The following CSMD3 variants were observed in gnomAD, a reference collection of about 807,000 sequenced individuals.
The protein encoded by CSMD3 is CUB and sushi domain-containing protein 3.
Under a neutral mutation model 435.2 loss-of-function variants are expected in CSMD3, and 177 were observed. The ratio of observed to expected loss-of-function variants is 0.41; its 90% CI spans 0.36 to 0.46. The LOEUF (loss-of-function observed/expected upper bound fraction) is 0.46. Among genes scored for constraint, CSMD3 ranks in the 20% least tolerant of loss-of-function variants. The probability of loss-of-function intolerance (pLI) is 0.34; values close to 1 mark genes in which losing one functional copy is unlikely to be tolerated. For missense variants in CSMD3, 4,265 were observed against 4,504.6 expected (o/e 0.95, Z 1.52); for synonymous variants, 1,656 against 1,520.5 (o/e 1.09, Z -2.07).
At chr8:112,948,947 C>A (rs976775353) in intron 8 of CSMD3, among the ~76,000 whole-genome samples, 15 of 152,056 alleles carry the variant, frequency 9.9e-5, no homozygotes, top group Middle Eastern at 6.8e-3. Context: ...TCTTGCTTTG[C>A]CATCCATGCT....
At chr8:112,440,884 T>G (rs956877452) in intron 32 of CSMD3, among the ~76,000 whole-genome samples, 1 of 152,160 alleles carries the variant, frequency 6.6e-6, no homozygotes, top group Non-Finnish European at 1.5e-5. Context: ...GCAACCATTT[T>G]TCCCTCCTAG....
intron 43 of CSMD3, among the ~76,000 whole-genome samples, chr8:112,337,253 C>CT (rs1418569743): frequency 6.6e-6 from 1 of 152,094 alleles, no homozygotes; most frequent in Non-Finnish European, 1.5e-5. Flanking sequence ...GTAAGAATGA[C>CT]TTAAATGCAT....
chr8:112,699,116 C>A (rs549166591), intron 13 of CSMD3, among the ~76,000 whole-genome samples: 3 of 152,088 alleles, frequency 2.0e-5, no homozygotes, highest in Non-Finnish European at 2.9e-5. Flanking sequence ...AGCAGCAACC[C>A]GCTCGCGTCC....
chr8:112,967,493 G>T (rs2090236931), intron 7 of CSMD3, among the ~76,000 whole-genome samples: 1 of 151,526 alleles, frequency 6.6e-6, no homozygotes, highest in South Asian at 2.1e-4. Context: ...TTAACTAGCT[G>T]TTTTTTTTCC....
rs762591659 is a variant in CSMD3 at position 112,318,970 on chromosome 8, A to T, written c.7247-20T>A. ...TATCACCTATTAAACAAAAGAGGGG[A>T]GGTTTCATATAAGCAACAAGGTGAT... On this transcript the variant is annotated intron_variant, in intron 46 of 70. Coordinates refer to ENST00000297405, the MANE Select transcript of CSMD3 (RefSeq NM_198123.2). 7.3e-7 allele frequency: 1 copy of T among 1,373,784 alleles called. No homozygotes were observed. Among genetic ancestry groups the T allele is most frequent in the South Asian group, 1.2e-5 (1 of 86,442 alleles). The allele number at this position is 1,373,784 out of a possible 1,614,324, so 85.1% of individuals were successfully genotyped here.
chr8:112,341,852 A>G (rs1187029168), intron 41 of CSMD3, among the ~76,000 whole-genome samples, 166 bp from the exon 42 acceptor site: 1 of 152,240 alleles, frequency 6.6e-6, no homozygotes, highest in East Asian at 1.9e-4. Flanking sequence ...AGGACAGGTA[A>G]CTTTGCTGAG....
At chr8:113,308,751 T>C (rs981538188) in intron 2 of CSMD3, among the ~76,000 whole-genome samples, 1 of 152,328 alleles carries the variant, frequency 6.6e-6, no homozygotes, top group Non-Finnish European at 1.5e-5. Flanking sequence ...GAAGTTATAA[T>C]TATTGTTTTC....
In CSMD3 at chr8:112,447,206, C is replaced by T. The variant is rs972440064; in HGVS notation, c.5395+25385G>A. ...TAAATATTCAAACTAAGTGATATGT[C>T]AGGTATTTTTCTGCTTTATTATTTT... On this transcript the variant is annotated intron_variant, in intron 32 of 70. Coordinates refer to ENST00000297405, the MANE Select transcript of CSMD3 (RefSeq NM_198123.2). 2.0e-5 allele frequency among the ~76,000 whole-genome samples: 3 copies of T among 151,848 alleles called. 1 individual carries two copies. The highest frequency in any genetic ancestry group is 4.4e-5 in the Non-Finnish European group (3 of 67,954).
intron 5 of CSMD3, chr8:113,098,407 G>T (rs1057302078): frequency 8.6e-6 from 2 of 231,934 alleles, no homozygotes; most frequent in Admixed American, 1.0e-4. Flanking sequence ...TTTGCTTTCA[G>T]ATAACAAGGT....
At chr8:113,174,048 C>T (rs912958417) in intron 3 of CSMD3, 132 bp from the exon 4 acceptor site, 2 of 707,172 alleles carry the variant, frequency 2.8e-6, no homozygotes, top group African/African-American at 1.8e-5. Flanking sequence ...AAGGAACTGT[C>T]TTCTATTCCA....
At position 112,597,387 on chromosome 8, in the gene CSMD3, C is replaced by T. The variant is rs1831834774; in HGVS notation, c.3716-10152G>A. Reference sequence around the variant, plus strand: ...GTGGCAATAATCAATAGTTTACCAACCAAAAAGAGTCCAGGACCAGATGGA... The same window carrying T: ...GTGGCAATAATCAATAGTTTACCAATCAAAAAGAGTCCAGGACCAGATGGA... On this transcript the variant is annotated intron_variant, in intron 22 of 70. Coordinates refer to ENST00000297405, the MANE Select transcript of CSMD3 (RefSeq NM_198123.2). Among the ~76,000 whole-genome samples, 3 of 147,738 alleles carry T rather than the reference C, an allele frequency of 2.0e-5. No individual in the cohort carries two copies. In the South Asian group the frequency reaches 6.6e-4, roughly 33 times the overall value.
In CSMD3 at chr8:112,247,111, G is replaced by A. The variant is rs747373406; in HGVS notation, c.10131C>T (p.Phe3377=). 1.2e-6 allele frequency: 2 copies of A among 1,612,740 alleles called. No homozygotes were observed. The highest frequency in any genetic ancestry group is 2.2e-5 in the South Asian group (2 of 91,038). ...FGFQVGSVVQ[F]HCKKGHLLQG... ...GGAGAAGGTGTCCTTTTTTGCAATG[G>A]AACTGTACAACACTTCCTACCTATA... is the stretch of plus-strand genomic sequence containing the variant. The change falls in exon 64 of 71, where the codon TTC becomes TTT. Residue 3377 remains phenylalanine (F), a synonymous_variant. Coordinates refer to ENST00000297405, the MANE Select transcript of CSMD3 (RefSeq NM_198123.2).
At chr8:113,015,671 A>G (rs1456138079) in intron 6 of CSMD3, among the ~76,000 whole-genome samples, 2 of 151,846 alleles carry the variant, frequency 1.3e-5, no homozygotes, top group Non-Finnish European at 2.9e-5. Context: ...GATATTTCAT[A>G]CTTGTATTAT....
At chr8:112,681,766 C>T (rs986817364) in intron 16 of CSMD3, among the ~76,000 whole-genome samples, 3 of 152,004 alleles carry the variant, frequency 2.0e-5, no homozygotes, top group African/African-American at 7.2e-5. Flanking sequence ...ACTAGGGAGG[C>T]TGAGGCAGGA....
intron 3 of CSMD3, among the ~76,000 whole-genome samples, chr8:113,206,591 T>TA (rs1288632498): frequency 2.0e-5 from 3 of 152,144 alleles, no homozygotes; most frequent in African/African-American, 7.2e-5. Context: ...CAATCCATGT[T>TA]AATTGCCTAG....
At chr8:112,451,815 G>C (rs1363243886) in intron 32 of CSMD3, among the ~76,000 whole-genome samples, 1 of 152,178 alleles carries the variant, frequency 6.6e-6, no homozygotes, top group Admixed American at 6.5e-5. Context: ...TGGGATTACA[G>C]GCATGAGCCA....
At chr8:112,467,908 T>C (rs1390885228) in intron 32 of CSMD3, among the ~76,000 whole-genome samples, 4 of 152,120 alleles carry the variant, frequency 2.6e-5, no homozygotes, top group Admixed American at 6.6e-5. Context: ...TACTGACACA[T>C]TGATTTCAGG....
intron 6 of CSMD3, among the ~76,000 whole-genome samples, chr8:113,013,800 T>C (rs2086349915): frequency 6.6e-6 from 1 of 152,128 alleles, no homozygotes; most frequent in Non-Finnish European, 1.5e-5. Context: ...TCTGCCCTCA[T>C]TCTAGAGCCC....
rs2130756635 is a variant in CSMD3 at position 112,301,795 on chromosome 8, A to G, written c.8438T>C (p.Leu2813Pro). Residue 2813 changes from leucine to proline, a missense_variant and splice_region_variant, in exon 53 of 71, where the codon CTA (leucine) becomes CCA (proline). Coordinates refer to ENST00000297405, the MANE Select transcript of CSMD3 (RefSeq NM_198123.2). ...AAAAACAAATTAAAAATCTGTACCT[A>G]GGCATCTGGTTTCAGATTCACTCCA... ...GLWSESETRCLAGHCGIPELI... is the reference protein window; with the variant it reads ...GLWSESETRCPAGHCGIPELI... 1 of 1,612,940 alleles carries G rather than the reference A, an allele frequency of 6.2e-7. No individual in the cohort carries two copies. Among genetic ancestry groups the G allele is most frequent in the Non-Finnish European group, 8.5e-7 (1 of 1,179,046 alleles).
Sources: gnomAD v4.1 joint callset for allele counts (sites outside exome capture counted in the v4.1 genomes callset) on GRCh38, gnomAD v4.1.1 for gene constraint, MANE v1.5 for transcripts, NCBI Gene and HGNC (gene_info 2026-07-23, HGNC 2026-07-21) for gene names.